Variants in SIAH2 observed in about 807,000 individuals in gnomAD.
SIAH2 encodes siah E3 ubiquitin protein ligase 2.
In SIAH2, 4 loss-of-function variants were observed where a neutral mutation model predicts 20.4. That is an observed-to-expected ratio of 0.20 (90% CI 0.10 to 0.45). SIAH2 has a LOEUF of 0.45. Ranked by LOEUF, SIAH2 falls within the 20% of genes least tolerant of loss-of-function variation. SIAH2 has a pLI of 0.99. For synonymous variants in SIAH2, 171 were observed against 192.5 expected (o/e 0.89, Z 0.93); for missense variants, 259 against 440.3 (o/e 0.59, Z 3.69).
chr3:150,742,457 A>G lies in SIAH2; in HGVS notation c.659T>C (p.Met220Thr). 6.2e-7 allele frequency: 1 copy of G among 1,614,136 alleles called. No individual in the cohort carries two copies. Among genetic ancestry groups the G allele is most frequent in the Non-Finnish European group, 8.5e-7 (1 of 1,180,018 alleles). ...INLPGAVDWV[M>T]MQSCFGHHFM... ...GTGATGGCCAAAACATGACTGCATC[A>G]TCACCCAGTCGACAGCCCCTGGCAA... The change falls in exon 2 of 2, where the codon ATG (methionine) becomes ACG (threonine). Residue 220 changes from methionine (M) to threonine (T), a missense_variant. Transcript: ENST00000312960. The surrounding 1 kb of genome is among the most constrained non-coding windows in gnomAD (Gnocchi z 4.8).
intron 1 of SIAH2, among the ~76,000 whole-genome samples, chr3:150,743,436 T>C (rs1714142697): frequency 6.6e-6 from 1 of 152,168 alleles, no homozygotes; most frequent in Non-Finnish European, 1.5e-5. Context: ...TTCTGGCCAG[T>C]AGAGGTTAAC....
chr3:150,751,547 A>G (rs1714364928), intron 1 of SIAH2, among the ~76,000 whole-genome samples: 1 of 152,228 alleles, frequency 6.6e-6, no homozygotes, highest in East Asian at 1.9e-4. Context: ...GTCACCAAAC[A>G]GTGGTGAGAG....
chr3:150,758,110 A>T (rs1051779148), intron 1 of SIAH2, among the ~76,000 whole-genome samples: 1 of 152,172 alleles, frequency 6.6e-6, no homozygotes, highest in Non-Finnish European at 1.5e-5. Context: ...AGGCCAAGGG[A>T]TTTTAAACTT....
chr3:150,742,706 G>T lies in SIAH2; in HGVS notation c.418-8C>A, dbSNP rs377755599. 1 of 1,521,838 alleles carries T rather than the reference G, an allele frequency of 6.6e-7. No individual in the cohort carries two copies. Among genetic ancestry groups the T allele is most frequent in the Non-Finnish European group, 8.8e-7 (1 of 1,135,430 alleles). The allele number at this position is 1,521,838 out of a possible 1,614,324, so 94.3% of individuals were successfully genotyped here. ...ACAGCCCGTGGTGGCATACTGCAAA[G>T]AAAGAAATGCATTGAGCCATTGGGC... On this transcript the variant is annotated splice_region_variant and splice_polypyrimidine_tract_variant and intron_variant, in intron 1 of 1. Transcript: ENST00000312960. This position sits in a 1 kb window ranked among gnomAD's most constrained non-coding sequence, Gnocchi z 4.8.
chr3:150,756,725 A>G (rs1714492868), intron 1 of SIAH2, among the ~76,000 whole-genome samples: 1 of 152,234 alleles, frequency 6.6e-6, no homozygotes, highest in Non-Finnish European at 1.5e-5. Context: ...ATAGTATTCT[A>G]ATGCTTCTGC....
intron 1 of SIAH2, among the ~76,000 whole-genome samples, chr3:150,756,520 G>A (rs187245783): frequency 4.0e-4 from 61 of 152,274 alleles, no homozygotes; most frequent in African/African-American, 1.4e-3. Flanking sequence ...ACCACAGAAC[G>A]GGAGAGTCTA....
intron 1 of SIAH2, among the ~76,000 whole-genome samples, chr3:150,757,302 T>C (rs1714503567): frequency 1.3e-5 from 2 of 152,168 alleles, no homozygotes; most frequent in Non-Finnish European, 2.9e-5. Context: ...GATAATCATT[T>C]AGTCCAATCC....
chr3:150,753,660 G>C (rs891854159), intron 1 of SIAH2, among the ~76,000 whole-genome samples: 2 of 152,128 alleles, frequency 1.3e-5, no homozygotes, highest in Non-Finnish European at 2.9e-5. Flanking sequence ...CAAGCCTGAT[G>C]GTGTGTGCCT....
chr3:150,742,555 A>G lies in SIAH2; in HGVS notation c.561T>C (p.His187=). Residue 187 remains histidine, a synonymous_variant, in exon 2 of 2, where the codon CAT becomes CAC. Transcript: ENST00000312960. The surrounding 1 kb of genome is among the most constrained non-coding windows in gnomAD (Gnocchi z 4.8). The stretch of plus-strand genomic sequence containing the variant: ...TAATGCTCTTGTGGGCGTGCATGAG[A>G]TGGGACATCACAGCTTCCAGGGACC... ...WQGSLEAVMS[H]LMHAHKSITT... is the part of the protein sequence containing the mutation. The G allele has an allele frequency of 6.2e-7, 1 of 1,613,988 alleles. No homozygotes were observed.
At chr3:150,749,469 C>A (rs1053378975) in intron 1 of SIAH2, among the ~76,000 whole-genome samples, 4 of 152,078 alleles carry the variant, frequency 2.6e-5, no homozygotes, top group Non-Finnish European at 4.4e-5. Flanking sequence ...GTACCACCGC[C>A]CTCCAGCCTG....
chr3:150,750,648 C>T (rs563146119), intron 1 of SIAH2, among the ~76,000 whole-genome samples: 14 of 152,114 alleles, frequency 9.2e-5, no homozygotes, highest in Admixed American at 2.6e-4. Context: ...GAATTCCCGG[C>T]GTCAAGCAAT....
chr3:150,741,836 A>C lies in SIAH2; in HGVS notation c.*305T>G. On this transcript the variant is annotated 3_prime_UTR_variant, in exon 2 of 2. Transcript: ENST00000312960. ...AGGCAGGAAGGGGCCTCCCATTCCT[A>C]ACACACTGATCTATAGAAGCCCTGT... The C allele has an allele frequency of 4.0e-6, 1 of 250,706 alleles. No individual in the cohort carries two copies. The highest frequency in any genetic ancestry group is 7.6e-6 in the Non-Finnish European group (1 of 131,242). The allele number at this position is 250,706 out of a possible 1,614,324, so 15.5% of individuals were successfully genotyped here. A position where few individuals can be genotyped will look rare whatever the true frequency, so the allele number is the denominator to read the frequency against.
rs1714663411 is a variant in SIAH2, at chr3:150,763,039, C to T, written c.-190G>A. ...ACCGCGCTGATGCACTCCGCAGCCC[C>T]CGGCGTTCCGAGCACGCCTCCGCGT... On this transcript the variant is annotated 5_prime_UTR_variant, in exon 1 of 2. Coordinates refer to ENST00000312960, the MANE Select transcript of SIAH2 (RefSeq NM_005067.7). This position sits in a 1 kb window ranked among gnomAD's most constrained non-coding sequence, Gnocchi z 4.1. The T allele has an allele frequency of 3.9e-6, 2 of 509,642 alleles. No homozygotes were observed. The highest frequency in any genetic ancestry group is 5.2e-6 in the Non-Finnish European group (2 of 381,850). The allele number at this position is 509,642 out of a possible 1,614,324, so 31.6% of individuals were successfully genotyped here.
intron 1 of SIAH2, among the ~76,000 whole-genome samples, chr3:150,757,776 T>C (rs1219917056): frequency 6.6e-6 from 1 of 150,522 alleles, no homozygotes; most frequent in African/African-American, 2.5e-5. Flanking sequence ...AGCTCAGGAG[T>C]ATCAAGACCA....
At chr3:150,748,065 CTT>C (rs998243571) in intron 1 of SIAH2, among the ~76,000 whole-genome samples, 7 of 151,038 alleles carry the variant, frequency 4.6e-5, no homozygotes, top group African/African-American at 1.7e-4. Flanking sequence ...TCTTTACAAA[CTT>C]TTCATGTTGC....
At position 150,762,757 on chromosome 3, in the gene SIAH2, C is replaced by T; in HGVS notation, c.93G>A (p.Ala31=). ...PQPQHTPSPA[A]PPAAATISAA... ...CCGAGATGGTGGCGGCGGCCGGGGG[C>T]GCAGCCGGGGACGGAGTGTGCTGGG... The change falls in exon 1 of 2, where the codon GCG becomes GCA. Residue 31 remains alanine (A), a synonymous_variant. Coordinates refer to ENST00000312960, the MANE Select transcript of SIAH2 (RefSeq NM_005067.7). This position sits in a 1 kb window ranked among gnomAD's most constrained non-coding sequence, Gnocchi z 6.6. The T allele has an allele frequency of 1.7e-6, 2 of 1,187,526 alleles. No homozygotes were observed. The highest frequency in any genetic ancestry group is 2.1e-6 in the Non-Finnish European group (2 of 952,126). 73.6% of individuals were successfully genotyped at this position (1,187,526 alleles called of 1,614,324 possible).
chr3:150,752,087 T>C (rs937363242), intron 1 of SIAH2, among the ~76,000 whole-genome samples: 1 of 152,202 alleles, frequency 6.6e-6, no homozygotes, highest in African/African-American at 2.4e-5. Flanking sequence ...TCAAAGTGCA[T>C]GTTCAAGCAA....
At position 150,741,772 on chromosome 3, in the gene SIAH2, T is replaced by G. The variant is rs1410982978; in HGVS notation, c.*369A>C. 5.6e-6 allele frequency: 1 copy of G among 177,802 alleles called. No homozygotes were observed. Among genetic ancestry groups the G allele is most frequent in the African/African-American group, 2.4e-5 (1 of 42,224 alleles). The allele number at this position is 177,802 out of a possible 1,614,324, so 11.0% of individuals were successfully genotyped here. The stretch of plus-strand genomic sequence containing the variant: ...AGTAAAGGAATCTGCTGACAGTCAC[T>G]GTGCTTTTGTCAATGTCAAGGGACC... On this transcript the variant is annotated 3_prime_UTR_variant, in exon 2 of 2. Transcript: ENST00000312960.
Position 150,750,903 on chromosome 3 carries a change from G to A in SIAH2, c.418-8205C>T, listed in dbSNP as rs559415352. On this transcript the variant is annotated intron_variant, in intron 1 of 1. Coordinates refer to ENST00000312960, the MANE Select transcript of SIAH2 (RefSeq NM_005067.7). ...GGAGCCTACCAAATCACCTATGAGT[G>A]GGTCTATAAAACTGTCTATGACTTC... is the stretch of plus-strand genomic sequence containing the variant. Among the ~76,000 whole-genome samples, 4 of 152,272 alleles carry A rather than the reference G, an allele frequency of 2.6e-5. No individual in the cohort carries two copies. In the East Asian group the frequency reaches 5.8e-4, roughly 22 times the overall value.
Sources: allele counts gnomAD v4.1 joint callset (sites outside exome capture counted in the v4.1 genomes callset), GRCh38; gene constraint gnomAD v4.1.1; non-coding constraint Gnocchi (gnomAD v3.1); transcripts MANE v1.5; gene names NCBI Gene and HGNC (gene_info 2026-07-23, HGNC 2026-07-21).